Variants in MDFIC observed in about 807,000 individuals in gnomAD.
MDFIC encodes the protein MyoD family inhibitor domain containing, also known as myoD family inhibitor domain-containing protein.
A neutral mutation model predicts 23.2 loss-of-function variants in MDFIC; 17 were observed. The ratio of observed to expected loss-of-function variants is 0.73; its 90% CI spans 0.50 to 1.10. The LOEUF (loss-of-function observed/expected upper bound fraction) is 1.10, where lower values mean the gene tolerates loss of function less well. MDFIC is among the 50% of genes least tolerant of loss of function. The pLI is 0.00. For missense variants in MDFIC, 356 were observed against 316.6 expected (o/e 1.12, Z -0.95); for synonymous variants, 120 against 115.2 (o/e 1.04, Z -0.27).
chr7:114,979,129 A>T (rs1472187345), intron 3 of MDFIC, among the ~76,000 whole-genome samples: 3 of 152,146 alleles, frequency 2.0e-5, no homozygotes. Context: ...TAGTATTGAG[A>T]TAACACTGTT....
Position 114,937,763 on chromosome 7 carries a change from C to T in MDFIC, c.95-4512C>T, listed in dbSNP as rs1792455741. Among the ~76,000 whole-genome samples the T allele has an allele frequency of 3.3e-5, 5 of 152,308 alleles. No homozygotes were observed. In the South Asian group the frequency reaches 1.0e-3, roughly 32 times the overall value. ...CATCCAAAGCAAAGTAGTTCTTCCT[C>T]ACTTCTTTGTCCAGAGTAAACATAC... is the stretch of plus-strand genomic sequence containing the variant. On this transcript the variant is annotated intron_variant, in intron 2 of 4. Transcript: ENST00000393486.
chr7:114,995,323 G>C (rs145366740), intron 4 of MDFIC, among the ~76,000 whole-genome samples: 1 of 151,842 alleles, frequency 6.6e-6, no homozygotes, highest in Non-Finnish European at 1.5e-5. Flanking sequence ...AAGTTTGGTC[G>C]TCTGAAGCCT....
chr7:114,972,711 C>T (rs1168455430), intron 3 of MDFIC, among the ~76,000 whole-genome samples: 1 of 152,162 alleles, frequency 6.6e-6, no homozygotes, highest in Admixed American at 6.6e-5. Context: ...TCACTATAAC[C>T]TTGCCCTCCT....
At chr7:114,980,319 A>G (rs1758317785) in intron 4 of MDFIC, among the ~76,000 whole-genome samples, 1 of 152,146 alleles carries the variant, frequency 6.6e-6, no homozygotes, top group African/African-American at 2.4e-5. Context: ...AGCACCTGCA[A>G]CCATCTCCAC....
Position 115,015,805 on chromosome 7 carries a change from G to T in MDFIC, c.611G>T (p.Cys204Phe). The T allele has an allele frequency of 6.2e-7, 1 of 1,614,220 alleles. No homozygotes were observed. Among genetic ancestry groups the T allele is most frequent in the Non-Finnish European group, 8.5e-7 (1 of 1,180,048 alleles). ...ACCTCAGAAGCCTGCTGCTGTTGCT[G>T]TGGTGACGAGATGGGGGATGATTGT... ...ICTSEACCCC[C>F]GDEMGDDCNC... The change falls in exon 5 of 5, where the codon TGT becomes TTT. Residue 204 changes from cysteine to phenylalanine, a missense_variant. Physicochemically the swap from Cys to Phe is radical, Grantham distance 205 (BLOSUM62 -2). Coordinates refer to ENST00000393486, the MANE Select transcript of MDFIC (RefSeq NM_001166345.3).
At chr7:114,954,286 T>C (rs1223941411) in intron 3 of MDFIC, among the ~76,000 whole-genome samples, 1 of 152,238 alleles carries the variant, frequency 6.6e-6, no homozygotes, top group Non-Finnish European at 1.5e-5. Context: ...TTCTTTTCCC[T>C]TGTAATATCT....
At chr7:114,952,090 T>C (rs981444503) in intron 3 of MDFIC, among the ~76,000 whole-genome samples, 1 of 152,242 alleles carries the variant, frequency 6.6e-6, no homozygotes, top group African/African-American at 2.4e-5. Flanking sequence ...AAACATAAAG[T>C]AATATTCTAT....
chr7:115,007,670 G>T (rs1467702847), intron 4 of MDFIC, among the ~76,000 whole-genome samples: 1 of 136,206 alleles, frequency 7.3e-6, no homozygotes, highest in Non-Finnish European at 1.6e-5. Context: ...ATATTTCCTG[G>T]AATTTGTTTT....
chr7:114,978,027 T>C (rs1262716025), intron 3 of MDFIC, among the ~76,000 whole-genome samples: 2 of 148,860 alleles, frequency 1.3e-5, no homozygotes, highest in Non-Finnish European at 3.0e-5. Flanking sequence ...TATTAATTGG[T>C]ATAATAAAAT....
At chr7:114,939,925 GCA>G (rs2115750356) in intron 2 of MDFIC, among the ~76,000 whole-genome samples, 1 of 152,294 alleles carries the variant, frequency 6.6e-6, no homozygotes, top group East Asian at 1.9e-4. Flanking sequence ...AACAATGGCA[GCA>G]AGTATGTAGG....
chr7:115,010,117 G>T (rs1358014368), intron 4 of MDFIC, among the ~76,000 whole-genome samples: 1 of 152,124 alleles, frequency 6.6e-6, no homozygotes, highest in Non-Finnish European at 1.5e-5. Context: ...TGGATGCAGA[G>T]GACCCATTTT....
intron 2 of MDFIC, among the ~76,000 whole-genome samples, chr7:114,935,800 T>C (rs959303451): frequency 3.3e-5 from 5 of 152,182 alleles, no homozygotes; most frequent in Admixed American, 6.5e-5. Context: ...AAAAATAACA[T>C]ACAGCTACTC....
In MDFIC at chr7:114,922,762, G is replaced by A. The variant is rs541972155; in HGVS notation, c.-108+126G>A. Reference sequence around the variant, plus strand: ...CACCTCGGACCCCTGGGACCCCGCCGCTGTCAACTTGCGCTGTAACAGTTT... The same window carrying A: ...CACCTCGGACCCCTGGGACCCCGCCACTGTCAACTTGCGCTGTAACAGTTT... On this transcript the variant is annotated intron_variant, in intron 1 of 4. Coordinates refer to ENST00000393486, the MANE Select transcript of MDFIC (RefSeq NM_001166345.3). 1,485 of 1,252,166 alleles carry A rather than the reference G, an allele frequency of 1.2e-3. 25 individuals carry two copies. In the African/African-American group the frequency reaches 0.023, roughly 19 times the overall value. The allele number at this position is 1,252,166 out of a possible 1,614,324, so 77.6% of individuals were successfully genotyped here. A position where few individuals can be genotyped will look rare whatever the true frequency, so the allele number is the denominator to read the frequency against.
chr7:114,922,908 T>C lies in MDFIC; in HGVS notation c.-107-19T>C, dbSNP rs757331099. 15 of 1,571,876 alleles carry C rather than the reference T, an allele frequency of 9.5e-6. No individual in the cohort carries two copies. The highest frequency in any genetic ancestry group is 1.3e-5 in the Non-Finnish European group (15 of 1,160,108). On this transcript the variant is annotated intron_variant, in intron 1 of 4. Coordinates refer to ENST00000393486, the MANE Select transcript of MDFIC (RefSeq NM_001166345.3). ...TCTAAAAACATTTTTTTTTTTAATT[T>C]TGTATATTTTTCCGCCAGAAGCAGT...
chr7:114,951,352 A>G (rs995388991), intron 3 of MDFIC, among the ~76,000 whole-genome samples: 3 of 152,196 alleles, frequency 2.0e-5, no homozygotes, highest in African/African-American at 7.2e-5. Context: ...ATGGAAAAAA[A>G]AAATACAGAT....
Position 114,923,064 on chromosome 7 carries a change from G to A in MDFIC, c.31G>A (p.Gly11Arg), listed in dbSNP as rs1256065336. ...CGGCGCGGGCGAAGCCCTCGCTCCC[G>A]GGCCCGTGGGGCCGCAGCGCGTGGC... MSGAGEALAP[G>R]PVGPQRVAEA... The change falls in exon 2 of 5, where the codon GGG (glycine) becomes AGG (arginine). Residue 11 changes from glycine (G) to arginine (R), a missense_variant. Gly to Arg is a moderately radical substitution (Grantham distance 125). Transcript: ENST00000393486. 1.8e-5 allele frequency: 25 copies of A among 1,392,548 alleles called. No homozygotes were observed. The highest frequency in any genetic ancestry group is 5.4e-4 in the Middle Eastern group (2 of 3,732). The allele number at this position is 1,392,548 out of a possible 1,614,324, so 86.3% of individuals were successfully genotyped here. A position where few individuals can be genotyped will look rare whatever the true frequency, so the allele number is the denominator to read the frequency against.
At chr7:114,980,706 T>A (rs1793402986) in intron 4 of MDFIC, among the ~76,000 whole-genome samples, 1 of 152,240 alleles carries the variant, frequency 6.6e-6, no homozygotes, top group Non-Finnish European at 1.5e-5. Flanking sequence ...CTGATATACA[T>A]ATATTTCTCC....
At chr7:115,007,426 T>A (rs1270436005) in intron 4 of MDFIC, among the ~76,000 whole-genome samples, 1 of 151,952 alleles carries the variant, frequency 6.6e-6, no homozygotes, top group Non-Finnish European at 1.5e-5. Flanking sequence ...ATTCAGTATG[T>A]GAATGTAAAT....
chr7:115,002,414 A>C (rs769714546), intron 4 of MDFIC, among the ~76,000 whole-genome samples: 1 of 152,196 alleles, frequency 6.6e-6, no homozygotes, highest in Non-Finnish European at 1.5e-5. Flanking sequence ...CCCTCCACAG[A>C]ACTTCAATAT....
Sources: gnomAD v4.1 joint callset for allele counts (sites outside exome capture counted in the v4.1 genomes callset) on GRCh38, gnomAD v4.1.1 for gene constraint, MANE v1.5 for transcripts, NCBI Gene and HGNC (gene_info 2026-07-23, HGNC 2026-07-21) for gene names.